The following XKR6 variants were observed in gnomAD, a reference collection of about 807,000 sequenced individuals.
XKR6 encodes the protein XK related 6.
Under a neutral mutation model 56.7 loss-of-function variants are expected in XKR6, and 22 were observed. The ratio of observed to expected loss-of-function variants is 0.39; its 90% CI spans 0.28 to 0.55. XKR6 has a LOEUF of 0.55. Among genes scored for constraint, XKR6 ranks in the 20% least tolerant of loss-of-function variants. XKR6 has a pLI of 0.66. For synonymous variants in XKR6, 524 were observed against 387.8 expected (o/e 1.35, Z -4.13); for missense variants, 852 against 889.0 (o/e 0.96, Z 0.53).
chr8:11,114,008 G>C, intron 1 of XKR6: 1 of 398,912 alleles, frequency 2.5e-6, no homozygotes, highest in South Asian at 1.9e-5. Context: ...TTCAGGACGA[G>C]GCGATCGCTC....
rs572626592 is a variant in XKR6 at position 10,918,921 on chromosome 8, G to A, written c.961+5713C>T. Among the ~76,000 whole-genome samples, 4 of 152,180 alleles carry A rather than the reference G, an allele frequency of 2.6e-5. No individual in the cohort carries two copies. In the South Asian group the frequency reaches 8.3e-4, roughly 32 times the overall value. On this transcript the variant is annotated intron_variant, in intron 2 of 2. Transcript: ENST00000416569. Reference sequence around the variant, plus strand: ...CTCTCCATCCCATAACCTCACACCTGGCCCACCACAGCCTCCAACAGGTGC... The same window carrying A: ...CTCTCCATCCCATAACCTCACACCTAGCCCACCACAGCCTCCAACAGGTGC...
chr8:11,201,050 G>C lies in XKR6; in HGVS notation c.290C>G (p.Pro97Arg). 8.1e-7 allele frequency: 1 copy of C among 1,230,416 alleles called. No homozygotes were observed. The highest frequency in any genetic ancestry group is 1.0e-6 in the Non-Finnish European group (1 of 989,888). 76.2% of individuals were successfully genotyped at this position (1,230,416 alleles called of 1,614,324 possible). A position where few individuals can be genotyped will look rare whatever the true frequency, so the allele number is the denominator to read the frequency against. The stretch of plus-strand genomic sequence containing the variant: ...GCGGCCGGCGCCGGGGGCCGCGGGA[G>C]GCTGCAGCGGCTGGTCCCCCCCGTC... ...AADGGDQPLQ[P>R]PAAPGAGRQP... Residue 97 changes from proline to arginine, a missense_variant, in exon 1 of 3, where the codon CCT (proline) becomes CGT (arginine). Around this residue, in one of 4 missense-constraint regions of XKR6, gnomAD observed 417 missense variants for 355.2 expected, o/e 1.17. Coordinates refer to ENST00000416569, the MANE Select transcript of XKR6 (RefSeq NM_173683.4).
At chr8:11,087,551 T>C (rs1293612092) in intron 1 of XKR6, among the ~76,000 whole-genome samples, 3 of 152,150 alleles carry the variant, frequency 2.0e-5, no homozygotes, top group African/African-American at 4.8e-5. Context: ...AGAGACCTCC[T>C]CTCCTTCCTC....
At chr8:10,944,197 T>C (rs550356878) in intron 1 of XKR6, among the ~76,000 whole-genome samples, 1 of 152,288 alleles carries the variant, frequency 6.6e-6, no homozygotes, top group East Asian at 1.9e-4. Context: ...GCTGGTCTCC[T>C]TCGACCAAGA....
chr8:10,907,399 A>G (rs771136729), intron 2 of XKR6, among the ~76,000 whole-genome samples: 2 of 152,182 alleles, frequency 1.3e-5, no homozygotes, highest in Non-Finnish European at 2.9e-5. Context: ...AGTAAGTTCA[A>G]TAACAGTGAT....
intron 1 of XKR6, among the ~76,000 whole-genome samples, chr8:11,075,137 T>TG (rs1800238885): frequency 6.6e-6 from 1 of 152,090 alleles, no homozygotes; most frequent in Admixed American, 6.5e-5. Flanking sequence ...GCCCATCATG[T>TG]GGGGAGCACA....
intron 1 of XKR6, among the ~76,000 whole-genome samples, chr8:10,978,380 G>C (rs1797636838): frequency 6.6e-6 from 1 of 152,162 alleles, no homozygotes; most frequent in Non-Finnish European, 1.5e-5. Flanking sequence ...CTCTTGTCAA[G>C]ACTTAATAAA....
intron 1 of XKR6, among the ~76,000 whole-genome samples, chr8:11,072,711 T>A (rs1230381169): frequency 3.3e-5 from 5 of 152,186 alleles, no homozygotes; most frequent in African/African-American, 1.2e-4. Flanking sequence ...AAAACAGGTG[T>A]GGCCAGAGTG....
At chr8:11,130,278 G>C (rs899663205) in intron 1 of XKR6, among the ~76,000 whole-genome samples, 1 of 152,050 alleles carries the variant, frequency 6.6e-6, no homozygotes, top group Non-Finnish European at 1.5e-5. Flanking sequence ...TCAGCAAATA[G>C]TTAAAATTCA....
intron 1 of XKR6, among the ~76,000 whole-genome samples, chr8:11,017,344 T>C (rs1268376412): frequency 1.3e-5 from 2 of 152,222 alleles, no homozygotes; most frequent in East Asian, 3.8e-4. Flanking sequence ...ACCTCCTCAA[T>C]AGACACGAAG....
At chr8:10,928,748 T>C (rs545170446) in intron 1 of XKR6, among the ~76,000 whole-genome samples, 63 of 152,236 alleles carry the variant, frequency 4.1e-4, no homozygotes, top group African/African-American at 1.5e-3. Context: ...GGCAGGAGAC[T>C]CAGGATTGGC....
chr8:10,951,300 G>GTGT (rs988183717), intron 1 of XKR6, among the ~76,000 whole-genome samples: 80 of 122,320 alleles, frequency 6.5e-4, no homozygotes, highest in African/African-American at 2.2e-3. Flanking sequence ...TGTGTGTGTG[G>GTGT]GGGGGGGGGG....
At chr8:10,988,618 C>T (rs1797918391) in intron 1 of XKR6, among the ~76,000 whole-genome samples, 2 of 152,182 alleles carry the variant, frequency 1.3e-5, no homozygotes, top group African/African-American at 2.4e-5. Flanking sequence ...AGTCCATGAT[C>T]TACTGCTGAC....
chr8:11,006,840 C>G (rs952669378), intron 1 of XKR6, among the ~76,000 whole-genome samples: 1 of 152,212 alleles, frequency 6.6e-6, no homozygotes, highest in African/African-American at 2.4e-5. Flanking sequence ...TACCAGCTGC[C>G]TCCTCTCTCT....
Position 11,008,673 on chromosome 8 carries a change from C to T in XKR6, c.765-83843G>A, listed in dbSNP as rs567133876. 2.6e-5 allele frequency among the ~76,000 whole-genome samples: 4 copies of T among 152,208 alleles called. No individual in the cohort carries two copies. In the South Asian group the frequency reaches 8.3e-4, roughly 32 times the overall value. ...CAAATGATCCACCTGCCTCGCCCTC[C>T]CAAAGTGCTGGGATTACAGGTGTGA... On this transcript the variant is annotated intron_variant, in intron 1 of 2. Coordinates refer to ENST00000416569, the MANE Select transcript of XKR6 (RefSeq NM_173683.4).
intron 2 of XKR6, among the ~76,000 whole-genome samples, chr8:10,912,708 C>T (rs1036614120): frequency 5.1e-5 from 6 of 118,390 alleles, no homozygotes; most frequent in African/African-American, 1.6e-4. Flanking sequence ...TATATATATA[C>T]ACACATAGAG....
intron 1 of XKR6, among the ~76,000 whole-genome samples, chr8:11,025,915 G>T (rs1017129574): frequency 6.6e-6 from 1 of 152,112 alleles, no homozygotes; most frequent in Non-Finnish European, 1.5e-5. Flanking sequence ...ACTGAAATGT[G>T]CTGTTAAATA....
chr8:10,926,599 GC>G (rs1800893354), intron 1 of XKR6, among the ~76,000 whole-genome samples: 1 of 152,246 alleles, frequency 6.6e-6, no homozygotes, highest in Non-Finnish European at 1.5e-5. Flanking sequence ...GAAGGTTGGG[GC>G]ACCAGGCCCC....
chr8:10,899,643 C>T lies in XKR6; in HGVS notation c.962-727G>A, dbSNP rs545640236. 7.0e-4 allele frequency among the ~76,000 whole-genome samples: 106 copies of T among 152,330 alleles called. No homozygotes were observed. The South Asian group carries it at 9.5e-3, about 14-fold the overall frequency. ...TGCTCAATGTGCTCTTAAGCCTTGA[C>T]TTTTGAAGCTCTGTCCTTCTCTGGT... On this transcript the variant is annotated intron_variant, in intron 2 of 2. Transcript: ENST00000416569.
Sources: allele counts gnomAD v4.1 joint callset (sites outside exome capture counted in the v4.1 genomes callset), GRCh38; gene constraint gnomAD v4.1.1; regional missense constraint gnomAD v4.1.1; transcripts MANE v1.5; gene names NCBI Gene and HGNC (gene_info 2026-07-23, HGNC 2026-07-21).